Variants in NFAM1 observed in about 807,000 individuals in gnomAD.
NFAM1 encodes the protein NFAT activating protein with ITAM motif 1, also known as NFAT activation molecule 1.
NFAM1 carries 17 observed loss-of-function variants against 29.0 expected under a neutral mutation model. The observed-to-expected ratio is 0.59, with a 90% CI of 0.40 to 0.88. The LOEUF (loss-of-function observed/expected upper bound fraction) is 0.88, where lower values mean the gene tolerates loss of function less well. Among genes scored for constraint, NFAM1 ranks in the 40% least tolerant of loss-of-function variants. The pLI, the probability that NFAM1 is intolerant of heterozygous loss-of-function variation, is 0.00. For synonymous variants in NFAM1, 175 were observed against 147.2 expected (o/e 1.19, Z -1.36); for missense variants, 324 against 344.6 (o/e 0.94, Z 0.47).
chr22:42,416,834 G>A (rs1930275387), intron 1 of NFAM1, among the ~76,000 whole-genome samples: 2 of 152,218 alleles, frequency 1.3e-5, no homozygotes, highest in South Asian at 2.1e-4. Flanking sequence ...ATGGGATAAC[G>A]TGGTCCGGGG....
At chr22:42,436,908 A>T, upstream of NFAM1, 1 of 596,942 alleles carries the variant, frequency 1.7e-6, no homozygotes, top group Non-Finnish European at 2.1e-6. Flanking sequence ...GGCAGATATT[A>T]TACGCCTCAG....
chr22:42,415,995 G>A (rs1246123455), intron 1 of NFAM1, among the ~76,000 whole-genome samples: 1 of 152,220 alleles, frequency 6.6e-6, no homozygotes, highest in African/African-American at 2.4e-5. Context: ...TGCCTGGGAT[G>A]AGGTTGGGGT....
At chr22:42,413,621 C>CA (rs1001088994) in intron 1 of NFAM1, among the ~76,000 whole-genome samples, 2 of 150,832 alleles carry the variant, frequency 1.3e-5, no homozygotes, top group Non-Finnish European at 3.0e-5. Context: ...ACTAAAAATA[C>CA]AAAAAAAGAA....
intron 3 of NFAM1, among the ~76,000 whole-genome samples, chr22:42,405,314 T>C (rs558179332): frequency 6.6e-6 from 1 of 152,302 alleles, no homozygotes; most frequent in Admixed American, 6.5e-5. Context: ...CAGAGGGCAC[T>C]TGTGTGGGTC....
upstream of NFAM1, among the ~76,000 whole-genome samples, chr22:42,434,637 C>T (rs1930898245): frequency 6.6e-6 from 1 of 152,230 alleles, no homozygotes. Context: ...ATCCAGGAGC[C>T]TCATTTCTAC....
intron 3 of NFAM1, among the ~76,000 whole-genome samples, chr22:42,403,392 C>CAGGG (rs1041093373): frequency 6.6e-5 from 10 of 152,306 alleles, no homozygotes; most frequent in Admixed American, 5.9e-4. Flanking sequence ...AGCCTCTGTA[C>CAGGG]AGGGCCTGAC....
At chr22:42,424,308 G>A (rs1156749112) in intron 1 of NFAM1, among the ~76,000 whole-genome samples, 2 of 152,070 alleles carry the variant, frequency 1.3e-5, no homozygotes, top group Non-Finnish European at 2.9e-5. Flanking sequence ...CCAGCTACTC[G>A]GGAGGCTGAG....
chr22:42,404,190 C>G (rs1368927363), intron 3 of NFAM1, among the ~76,000 whole-genome samples: 1 of 152,150 alleles, frequency 6.6e-6, no homozygotes, highest in African/African-American at 2.4e-5. Flanking sequence ...AGGCATTGCC[C>G]CGGGAGGCAA....
intron 1 of NFAM1, among the ~76,000 whole-genome samples, chr22:42,424,668 C>T (rs1162184237): frequency 1.3e-5 from 2 of 151,880 alleles, no homozygotes; most frequent in African/African-American, 4.8e-5. Context: ...CAAGAAAGTT[C>T]TCGGGTAAAG....
chr22:42,389,808 GGTGTGAA>G (rs1390497497), intron 4 of NFAM1, among the ~76,000 whole-genome samples: 1 of 152,230 alleles, frequency 6.6e-6, no homozygotes, highest in Non-Finnish European at 1.5e-5. Flanking sequence ...AACTGGCAGA[GGTGTGAA>G]GTCAATGCTG....
rs368898882 is a variant in NFAM1 at position 42,384,939 on chromosome 22, G to A, written c.*222C>T. On this transcript the variant is annotated 3_prime_UTR_variant, in exon 6 of 6. Transcript: ENST00000329021. The stretch of plus-strand genomic sequence containing the variant: ...GGAGGAAGGGCCTGCCTGGCAGAAG[G>A]AACAGCCTGGGCAAAGGCCCCAAGA... The A allele has an allele frequency of 1.4e-5, 9 of 640,624 alleles. No individual in the cohort carries two copies. In the African/African-American group the frequency reaches 1.4e-4, roughly 10 times the overall value. The allele number at this position is 640,624 out of a possible 1,614,324, so 39.7% of individuals were successfully genotyped here. A position where few individuals can be genotyped will look rare whatever the true frequency, so the allele number is the denominator to read the frequency against.
chr22:42,407,945 T>C lies in NFAM1; in HGVS notation c.564+1490A>G, dbSNP rs1929956423. Reference sequence around the variant, plus strand: ...TTTTTTGAGACTTAGTCTTGCTTTGTCACCCAGGCTGAAGTGCAGTAGTGT... The same window carrying C: ...TTTTTTGAGACTTAGTCTTGCTTTGCCACCCAGGCTGAAGTGCAGTAGTGT... On this transcript the variant is annotated intron_variant, in intron 3 of 5. Coordinates refer to ENST00000329021, the MANE Select transcript of NFAM1 (RefSeq NM_145912.8). 2.7e-5 allele frequency among the ~76,000 whole-genome samples: 4 copies of C among 147,452 alleles called. No individual in the cohort carries two copies. In the South Asian group the frequency reaches 8.7e-4, roughly 32 times the overall value.
chr22:42,432,301 C>T lies in NFAM1; in HGVS notation c.57G>A (p.Gly19=). The T allele has an allele frequency of 6.4e-7, 1 of 1,574,122 alleles. No homozygotes were observed. ...RALPGLPRPP[G]LPAAPWLLLG... ...GGAGGAGCCAGGGGGCTGCGGGGAG[C>T]CCAGGAGGGCGTGGGAGGCCTGGCA... The change falls in exon 1 of 6, where the codon GGG becomes GGA. Residue 19 remains glycine, a synonymous_variant. Coordinates refer to ENST00000329021, the MANE Select transcript of NFAM1 (RefSeq NM_145912.8).
At chr22:42,426,391 C>T (rs1170331492) in intron 1 of NFAM1, among the ~76,000 whole-genome samples, 2 of 152,184 alleles carry the variant, frequency 1.3e-5, no homozygotes, top group African/African-American at 2.4e-5. Flanking sequence ...GGTCAGCATT[C>T]CACCTCCTCT....
chr22:42,394,811 G>GA (rs1307734060), intron 4 of NFAM1, among the ~76,000 whole-genome samples: 1 of 151,914 alleles, frequency 6.6e-6, no homozygotes, highest in Non-Finnish European at 1.5e-5. Flanking sequence ...CAATAAAGTG[G>GA]AAAAAAAATA....
At chr22:42,431,178 G>C (rs1273281877) in intron 1 of NFAM1, among the ~76,000 whole-genome samples, 1 of 152,224 alleles carries the variant, frequency 6.6e-6, no homozygotes, top group African/African-American at 2.4e-5. Flanking sequence ...GCTAGGTCTT[G>C]AGCAAACGAA....
At chr22:42,386,386 A>AAAAC (rs755068321) in intron 5 of NFAM1, among the ~76,000 whole-genome samples, 1 of 145,820 alleles carries the variant, frequency 6.9e-6, no homozygotes, top group South Asian at 2.2e-4. Context: ...AACAAAAACA[A>AAAAC]AAACAAACAA....
intron 1 of NFAM1, among the ~76,000 whole-genome samples, chr22:42,414,582 A>T (rs1185081282): frequency 6.0e-5 from 9 of 151,156 alleles, no homozygotes; most frequent in African/African-American, 1.2e-4. Context: ...AATTAAAAAA[A>T]TTTTTTTTTA....
chr22:42,423,112 C>CAGAAAAAAA (rs530248047), intron 1 of NFAM1, among the ~76,000 whole-genome samples: 17 of 75,682 alleles, frequency 2.2e-4, no homozygotes, highest in African/African-American at 9.7e-4. Flanking sequence ...GACTCCATCT[C>CAGAAAAAAA]AAAAAAAAAA....
Sources: allele counts gnomAD v4.1 joint callset (sites outside exome capture counted in the v4.1 genomes callset), GRCh38; gene constraint gnomAD v4.1.1; transcripts MANE v1.5; gene names NCBI Gene and HGNC (gene_info 2026-07-23, HGNC 2026-07-21).